The following SPOCK3 variants were observed in gnomAD, a reference collection of about 807,000 sequenced individuals.
SPOCK3 encodes SPARC (osteonectin), cwcv and kazal like domains proteoglycan 3.
A neutral mutation model predicts 56.6 loss-of-function variants in SPOCK3; 30 were observed. That is an observed-to-expected ratio of 0.53 (90% CI 0.40 to 0.72). The LOEUF (loss-of-function observed/expected upper bound fraction) is 0.72. Among genes scored for constraint, SPOCK3 ranks in the 30% least tolerant of loss-of-function variants. The pLI is 0.00. For synonymous variants in SPOCK3, 196 were observed against 183.3 expected, an observed-to-expected ratio of 1.07 and a Z score of -0.56; for missense variants, 527 against 530.0, an observed-to-expected ratio of 0.99 and a Z score of 0.06.
At chr4:167,174,819 GCACA>G (rs946297025) in intron 2 of SPOCK3, among the ~76,000 whole-genome samples, 3 of 152,020 alleles carry the variant, frequency 2.0e-5, no homozygotes, top group Non-Finnish European at 2.9e-5. Context: ...GCGTGCACAC[GCACA>G]CAAACACACA....
intron 2 of SPOCK3, among the ~76,000 whole-genome samples, chr4:167,138,442 T>C (rs190111909): frequency 6.6e-6 from 1 of 151,860 alleles, no homozygotes; most frequent in Non-Finnish European, 1.5e-5. Flanking sequence ...TACAGAGACT[T>C]TTAGAGGTGA....
chr4:166,799,480 ACT>A, intron 6 of SPOCK3, among the ~76,000 whole-genome samples: 1 of 152,122 alleles, frequency 6.6e-6, no homozygotes, highest in Non-Finnish European at 1.5e-5. Context: ...TACTGAGGCT[ACT>A]CTGGAAGGAT....
rs114342480 is a variant in SPOCK3, at chr4:166,749,803, A to T, written c.931+4705T>A. Among the ~76,000 whole-genome samples, 813 of 152,210 alleles carry T rather than the reference A, an allele frequency of 5.3e-3. 7 individuals are homozygous for T. The highest frequency in any genetic ancestry group is 8.2e-3 in the Non-Finnish European group (561 of 68,002). On this transcript the variant is annotated intron_variant, in intron 8 of 10. Coordinates refer to ENST00000357545, the MANE Select transcript of SPOCK3 (RefSeq NM_001040159.2). ...CTCTTATATTAAAGAATTAGGAATC[A>T]TATTGTATAGTTTTTTATACAGACA...
At chr4:167,069,212 C>CA (rs1756436931) in intron 2 of SPOCK3, among the ~76,000 whole-genome samples, 1 of 151,854 alleles carries the variant, frequency 6.6e-6, no homozygotes, top group African/African-American at 2.4e-5. Context: ...GGCAGAATGG[C>CA]TTTCAGGACA....
rs1043361584 is a variant in SPOCK3, at chr4:166,737,620, A to T, written c.995-16T>A. 6.9e-6 allele frequency: 11 copies of T among 1,600,172 alleles called. No homozygotes were observed. The Admixed American group carries it at 8.6e-5, about 13-fold the overall frequency. On this transcript the variant is annotated splice_polypyrimidine_tract_variant and intron_variant, in intron 9 of 10. Transcript: ENST00000357545. Reference sequence around the variant, plus strand: ...ATATACTGTCCTGTTGAAACAACACACAGGCATACAAACACACACATGTAG... The same window carrying T: ...ATATACTGTCCTGTTGAAACAACACTCAGGCATACAAACACACACATGTAG...
chr4:167,037,966 CAG>C (rs1240039517), intron 3 of SPOCK3, among the ~76,000 whole-genome samples: 1 of 152,098 alleles, frequency 6.6e-6, no homozygotes, highest in African/African-American at 2.4e-5. Context: ...GTCACAGAAA[CAG>C]AAAGCTCTGG....
chr4:167,197,407 A>G (rs759976178), intron 2 of SPOCK3, among the ~76,000 whole-genome samples: 1 of 152,208 alleles, frequency 6.6e-6, no homozygotes, highest in Admixed American at 6.5e-5. Flanking sequence ...TTAAATTTAC[A>G]CATTTTAATT....
Position 167,234,090 on chromosome 4 carries a change from T to A in SPOCK3, c.84A>T (p.Ala28=), listed in dbSNP as rs1737475687. Reference sequence around the variant, plus strand: ...TACCGCCGTCCGACCGCCCCCCGGCTGCAGCCACCGCCGCGGCAGCTGCGA... The same window carrying A: ...TACCGCCGTCCGACCGCCCCCCGGCAGCAGCCACCGCCGCGGCAGCTGCGA... ...QSLAAAAAVA[A]AGGRSDGGNF... Residue 28 remains alanine (A), a synonymous_variant, in exon 2 of 11, where the codon GCA becomes GCT. Transcript: ENST00000357545. The A allele has an allele frequency of 5.6e-6, 9 of 1,613,720 alleles. No homozygotes were observed. In the East Asian group the frequency reaches 2.0e-4, roughly 36 times the overall value.
chr4:167,070,474 G>A (rs906611077), intron 2 of SPOCK3, among the ~76,000 whole-genome samples: 3 of 151,778 alleles, frequency 2.0e-5, no homozygotes, highest in African/African-American at 7.3e-5. Context: ...TAAGGAGTTG[G>A]GAGGGAAATT....
At chr4:166,767,107 C>T (rs553276165) in intron 7 of SPOCK3, among the ~76,000 whole-genome samples, 2 of 152,226 alleles carry the variant, frequency 1.3e-5, no homozygotes, top group South Asian at 2.1e-4. Flanking sequence ...GGCTAGCAGT[C>T]TATCAATTTT....
intron 6 of SPOCK3, among the ~76,000 whole-genome samples, chr4:166,797,354 C>CT (rs1742075915): frequency 1.1e-5 from 1 of 89,834 alleles, no homozygotes; most frequent in Non-Finnish European, 2.3e-5. Context: ...TTTATTTGAT[C>CT]TTTTTTATTC....
intron 4 of SPOCK3, among the ~76,000 whole-genome samples, chr4:166,988,049 G>A (rs1231362442): frequency 6.6e-6 from 1 of 151,990 alleles, no homozygotes; most frequent in South Asian, 2.1e-4. Flanking sequence ...TAAGCAATAA[G>A]CTAACAGATA....
intron 6 of SPOCK3, among the ~76,000 whole-genome samples, chr4:166,848,491 C>T (rs62353210): frequency 0.071 from 10,788 of 152,174 alleles, 510 homozygotes; most frequent in Non-Finnish European, 0.1. Flanking sequence ...GTGTCTTTTG[C>T]TGGATGTACT....
At chr4:166,915,405 T>C (rs1737737978) in intron 4 of SPOCK3, among the ~76,000 whole-genome samples, 1 of 152,186 alleles carries the variant, frequency 6.6e-6, no homozygotes, top group South Asian at 2.1e-4. Flanking sequence ...TTCTTCTTAG[T>C]CATTTAAATT....
chr4:167,073,138 T>G (rs1378175280), intron 2 of SPOCK3, among the ~76,000 whole-genome samples: 1 of 151,720 alleles, frequency 6.6e-6, no homozygotes, highest in Non-Finnish European at 1.5e-5. Flanking sequence ...TTCCATAATT[T>G]TACATTTGAT....
At chr4:166,861,155 CA>C (rs1200326835) in intron 6 of SPOCK3, among the ~76,000 whole-genome samples, 1 of 151,834 alleles carries the variant, frequency 6.6e-6, no homozygotes, top group East Asian at 1.9e-4. Context: ...ATGATAAGTG[CA>C]GTAAGCAACA....
At chr4:166,959,628 A>G (rs1401915377) in intron 4 of SPOCK3, among the ~76,000 whole-genome samples, 2 of 152,138 alleles carry the variant, frequency 1.3e-5, no homozygotes, top group Non-Finnish European at 2.9e-5. Context: ...AGAAAAAAAA[A>G]AAAGACTGAA....
intron 2 of SPOCK3, among the ~76,000 whole-genome samples, chr4:167,067,372 A>G (rs1306204885): frequency 6.6e-6 from 1 of 151,888 alleles, no homozygotes; most frequent in East Asian, 1.9e-4. Context: ...CTGCTATAAA[A>G]AGATCACATC....
At chr4:167,087,949 A>G (rs1561202243) in intron 2 of SPOCK3, among the ~76,000 whole-genome samples, 1 of 152,102 alleles carries the variant, frequency 6.6e-6, no homozygotes, top group African/African-American at 2.4e-5. Flanking sequence ...CCAGAAAAAG[A>G]TGGTAGTAGA....
Sources: gnomAD v4.1 joint callset for allele counts (sites outside exome capture counted in the v4.1 genomes callset) on GRCh38, gnomAD v4.1.1 for gene constraint, MANE v1.5 for transcripts, NCBI Gene and HGNC (gene_info 2026-07-23, HGNC 2026-07-21) for gene names.